Variants in EIPR1 observed in about 807,000 individuals in gnomAD.
EIPR1 encodes EARP complex and GARP complex interacting protein 1.
EIPR1 carries 25 observed loss-of-function variants against 48.1 expected under a neutral mutation model. The ratio of observed to expected loss-of-function variants is 0.52; its 90% CI spans 0.38 to 0.73. EIPR1 has a LOEUF of 0.73. EIPR1 is among the 30% of genes least tolerant of loss of function. EIPR1 has a pLI of 0.00. For missense variants in EIPR1, 415 were observed against 506.2 expected, an observed-to-expected ratio of 0.82 and a Z score of 1.73; for synonymous variants, 204 against 201.9, an observed-to-expected ratio of 1.01 and a Z score of -0.09.
chr2:3,321,512 G>A (rs1350434978), intron 3 of EIPR1, among the ~76,000 whole-genome samples: 5 of 152,086 alleles, frequency 3.3e-5, no homozygotes, highest in African/African-American at 9.7e-5. Context: ...TTTTCTCTCA[G>A]AATTCTGGTT....
chr2:3,211,464 C>T (rs764996565), intron 5 of EIPR1, among the ~76,000 whole-genome samples: 8 of 152,170 alleles, frequency 5.3e-5, no homozygotes, highest in Non-Finnish European at 1.0e-4. Flanking sequence ...CTCTTGGTCC[C>T]CAAAACACAA....
At chr2:3,208,334 A>G (rs4854138) in intron 5 of EIPR1, 798,722 of 893,290 alleles carry the variant, frequency 0.89, 357,342 homozygotes, top group Middle Eastern at 0.94. Context: ...GGCAGGAGCC[A>G]CCGTGAGCAC....
intron 4 of EIPR1, among the ~76,000 whole-genome samples, chr2:3,255,224 C>G (rs1667117134): frequency 6.6e-6 from 1 of 151,708 alleles, no homozygotes; most frequent in Non-Finnish European, 1.5e-5. Flanking sequence ...TCTCTCTCAC[C>G]CAGGCTGGAG....
chr2:3,338,295 C>T, intron 2 of EIPR1, 146 bp from the exon 3 acceptor site: 1 of 950,964 alleles, frequency 1.1e-6, no homozygotes, highest in Non-Finnish European at 1.5e-6. Flanking sequence ...ACAGTATGTG[C>T]TTCTATAATT....
rs113227451 is a variant in EIPR1, at chr2:3,220,736, C to G, written c.417-6488G>C. 3.8e-3 allele frequency among the ~76,000 whole-genome samples: 469 copies of G among 122,078 alleles called. No homozygotes were observed. In the Middle Eastern group the frequency reaches 0.056, roughly 15 times the overall value. The allele number at this position is 122,078 out of a possible 152,430, so 80.1% of individuals were successfully genotyped here. A position where few individuals can be genotyped will look rare whatever the true frequency, so the allele number is the denominator to read the frequency against. ...CACTCTAGAACATTCACAGTGAGTC[C>G]GGAACACACGCACACAATGGCCGAG... On this transcript the variant is annotated intron_variant, in intron 4 of 8. Coordinates refer to ENST00000382125, the MANE Select transcript of EIPR1 (RefSeq NM_003310.5).
At chr2:3,322,643 T>G (rs762172396) in intron 3 of EIPR1, among the ~76,000 whole-genome samples, 2 of 152,164 alleles carry the variant, frequency 1.3e-5, no homozygotes, top group Non-Finnish European at 2.9e-5. Context: ...TGGGATGAAT[T>G]CCATTGACAG....
chr2:3,193,068 A>G (rs2103103525), intron 7 of EIPR1, among the ~76,000 whole-genome samples: 1 of 152,252 alleles, frequency 6.6e-6, no homozygotes, highest in South Asian at 2.1e-4. Context: ...TGGGTCCTAG[A>G]GCCTGGGAGC....
chr2:3,216,361 G>C, intron 4 of EIPR1, among the ~76,000 whole-genome samples: 1 of 152,150 alleles, frequency 6.6e-6, no homozygotes, highest in South Asian at 2.1e-4. Context: ...GGAGCAAGGA[G>C]TATCCGTGTG....
chr2:3,330,392 C>T (rs894865952), intron 3 of EIPR1, among the ~76,000 whole-genome samples: 6 of 152,156 alleles, frequency 3.9e-5, no homozygotes, highest in Non-Finnish European at 8.8e-5. Context: ...ATGGAAGGTC[C>T]AGAGCAAGGG....
intron 4 of EIPR1, among the ~76,000 whole-genome samples, chr2:3,217,819 G>C (rs1244822583): frequency 2.0e-5 from 3 of 152,172 alleles, no homozygotes; most frequent in African/African-American, 7.2e-5. Flanking sequence ...AGAATCTTCA[G>C]AGGCCCCACT....
At chr2:3,199,877 T>C (rs1664962502) in intron 5 of EIPR1, among the ~76,000 whole-genome samples, 1 of 118,252 alleles carries the variant, frequency 8.5e-6, no homozygotes, top group African/African-American at 3.3e-5. Flanking sequence ...TGGGTGTGTC[T>C]GCATCTGGGC....
At chr2:3,311,654 T>C (rs1287057606) in intron 3 of EIPR1, among the ~76,000 whole-genome samples, 2 of 152,164 alleles carry the variant, frequency 1.3e-5, no homozygotes, top group Non-Finnish European at 2.9e-5. Flanking sequence ...CAGGAGGGCA[T>C]GAGGTGGTGT....
chr2:3,316,326 T>C lies in EIPR1; in HGVS notation c.259+21691A>G, dbSNP rs565608208. ...CTTTTATCTTGGAGTCTGCAGCACC[T>C]GCCCAGAGGAACAATCTCCTCACCA... On this transcript the variant is annotated intron_variant, in intron 3 of 8. Transcript: ENST00000382125. Among the ~76,000 whole-genome samples, 352 of 146,122 alleles carry C rather than the reference T, an allele frequency of 2.4e-3. 2 individuals are homozygous for C. Among genetic ancestry groups the C allele is most frequent in the African/African-American group, 8.2e-3 (329 of 40,218 alleles).
chr2:3,261,212 C>T (rs1312788810), intron 3 of EIPR1, among the ~76,000 whole-genome samples: 1 of 151,940 alleles, frequency 6.6e-6, no homozygotes, highest in Non-Finnish European at 1.5e-5. Context: ...GCTGTGGAGA[C>T]AGTTAATAGA....
chr2:3,195,158 C>T (rs1234357317), intron 6 of EIPR1, among the ~76,000 whole-genome samples: 2 of 152,228 alleles, frequency 1.3e-5, no homozygotes, highest in Non-Finnish European at 2.9e-5. Context: ...TGTCATGAAT[C>T]CCAGAGGGCA....
chr2:3,280,354 G>T (rs939181897), intron 3 of EIPR1, among the ~76,000 whole-genome samples: 2 of 152,136 alleles, frequency 1.3e-5, no homozygotes, highest in African/African-American at 4.8e-5. Context: ...CCAACTCCTC[G>T]CCCGGCCTCG....
At chr2:3,195,244 G>A (rs1035814560) in intron 6 of EIPR1, among the ~76,000 whole-genome samples, 3 of 152,238 alleles carry the variant, frequency 2.0e-5, no homozygotes, top group East Asian at 1.9e-4. Context: ...ATGGCCTGGC[G>A]CTGCCCAGCA....
At chr2:3,190,795 C>A (rs748127674) in intron 8 of EIPR1, among the ~76,000 whole-genome samples, 4 of 152,170 alleles carry the variant, frequency 2.6e-5, no homozygotes, top group South Asian at 4.1e-4. Flanking sequence ...TATGGCAGAC[C>A]GAGTTTCTAA....
At chr2:3,356,184 C>A (rs1158696510) in intron 1 of EIPR1, among the ~76,000 whole-genome samples, 1 of 152,210 alleles carries the variant, frequency 6.6e-6, no homozygotes, top group South Asian at 2.1e-4. Flanking sequence ...CAACCCCTAC[C>A]CCCATGGGTC....
Sources: allele counts gnomAD v4.1 joint callset (sites outside exome capture counted in the v4.1 genomes callset), GRCh38; gene constraint gnomAD v4.1.1; transcripts MANE v1.5; gene names NCBI Gene and HGNC (gene_info 2026-07-23, HGNC 2026-07-21).